The following KRT33A variants were observed in gnomAD, a reference collection of about 807,000 sequenced individuals.
The protein encoded by KRT33A is keratin, type I cuticular Ha3-I.
KRT33A carries 44 observed loss-of-function variants against 41.1 expected under a neutral mutation model. That is an observed-to-expected ratio of 1.07 (90% CI 0.84 to 1.38). KRT33A has a LOEUF of 1.38. Ranked by LOEUF, KRT33A falls within the 40% of genes most tolerant of loss-of-function variation. The pLI is 0.00. For synonymous variants in KRT33A, 229 were observed against 227.8 expected (o/e 1.01, Z -0.05); for missense variants, 536 against 518.5 (o/e 1.03, Z -0.33).
chr17:41,350,176 A>T (rs2017484749), intron 1 of KRT33A, among the ~76,000 whole-genome samples: 1 of 152,180 alleles, frequency 6.6e-6, no homozygotes, highest in South Asian at 2.1e-4. Flanking sequence ...GGAAGCATTC[A>T]GAGGTAGTTT....
Position 41,350,418 on chromosome 17 carries a change from A to G in KRT33A, c.348+2T>C. On this transcript the variant is annotated splice_donor_variant, in intron 1 of 6. Coordinates refer to ENST00000007735, the MANE Select transcript of KRT33A (RefSeq NM_004138.4). LOFTEE classifies it high-confidence loss of function. ...GGAGGCACTGTGTCGCCCACTCCTC[A>G]CCTTCTGCTGGAGCTCCTCAATGGT... 6.2e-7 allele frequency: 1 copy of G among 1,612,468 alleles called. No homozygotes were observed. Among genetic ancestry groups the G allele is most frequent in the South Asian group, 1.1e-5 (1 of 90,994 alleles).
chr17:41,346,319 A>C, intron 6 of KRT33A, 83 bp from the exon 7 acceptor site: 1 of 1,572,936 alleles, frequency 6.4e-7, no homozygotes, highest in Non-Finnish European at 8.7e-7. Context: ...TTGTGTAAGA[A>C]TATTGTTCCT....
At chr17:41,348,882 G>C (rs1423163800) in intron 2 of KRT33A, among the ~76,000 whole-genome samples, 1 of 152,108 alleles carries the variant, frequency 6.6e-6, no homozygotes, top group East Asian at 1.9e-4. Context: ...GGTTGCTTGA[G>C]CCCAGGAGTC....
At position 41,349,371 on chromosome 17, in the gene KRT33A, G is replaced by C. The variant is rs771547958; in HGVS notation, c.406C>G (p.Leu136Val). Residue 136 changes from leucine (L) to valine (V), a missense_variant, in exon 2 of 7, where the codon CTG becomes GTG. Transcript: ENST00000007735. ...TTGGTCCTGAAGTCATCTGAGGCCA[G>C]CTTGGCATTGTCGATCTGCACCACA... Reference protein sequence around the residue: ...RLVVQIDNAKLASDDFRTKYE... With the variant: ...RLVVQIDNAKVASDDFRTKYE... 6 of 1,614,086 alleles carry C rather than the reference G, an allele frequency of 3.7e-6. No individual in the cohort carries two copies. The East Asian group carries it at 1.3e-4, about 36-fold the overall frequency.
At chr17:41,348,134 G>C (rs189545267) in intron 3 of KRT33A, among the ~76,000 whole-genome samples, 96 of 152,262 alleles carry the variant, frequency 6.3e-4, no homozygotes, top group Non-Finnish European at 9.6e-4. Context: ...CTGCCTGATG[G>C]GCCTAGGCCA....
intron 3 of KRT33A, 80 bp downstream of exon 3, chr17:41,348,403 T>TG: frequency 6.8e-7 from 1 of 1,470,332 alleles, no homozygotes; most frequent in Non-Finnish European, 9.4e-7. Flanking sequence ...GAGCCTCTAC[T>TG]GACAGCCTGT....
At position 41,347,108 on chromosome 17, in the gene KRT33A, G is replaced by A; in HGVS notation, c.703C>T (p.Leu235=). 1 of 1,614,162 alleles carries A rather than the reference G, an allele frequency of 6.2e-7. No homozygotes were observed. The highest frequency in any genetic ancestry group is 8.5e-7 in the Non-Finnish European group (1 of 1,180,022). The change falls in exon 4 of 7, where the codon CTG becomes TTG. Residue 235 remains leucine, a synonymous_variant. Transcript: ENST00000007735. The stretch of plus-strand genomic sequence containing the variant: ...ACTTCCCTGCGGTTGGTTTCCACCA[G>A]GGCCTCATACTGACTCCTGGTCTCA... ...LNETRSQYEA[L]VETNRREVEQ... is the part of the protein sequence containing the mutation.
At position 41,350,673 on chromosome 17, in the gene KRT33A, G is replaced by A. The variant is rs1185848708; in HGVS notation, c.95C>T (p.Pro32Leu). Residue 32 changes from proline (P) to leucine (L), a missense_variant, in exon 1 of 7, where the codon CCC becomes CTC. Transcript: ENST00000007735. Reference sequence around the variant, plus strand: ...ATTGGCGGGGATGTTGCAGGCCCCGGGCAGGGTGCAGCCGTGGCAGCTGGG... The same window carrying A: ...ATTGGCGGGGATGTTGCAGGCCCCGAGCAGGGTGCAGCCGTGGCAGCTGGG... ...VPPSCHGCTLPGACNIPANVS... is the reference protein window; with the variant it reads ...VPPSCHGCTLLGACNIPANVS... 1.2e-6 allele frequency: 2 copies of A among 1,612,096 alleles called. No homozygotes were observed. The highest frequency in any genetic ancestry group is 1.7e-6 in the Non-Finnish European group (2 of 1,180,002).
rs747051252 is a variant in KRT33A at position 41,346,640 on chromosome 17, T to C, written c.905A>G (p.Glu302Gly). The C allele has an allele frequency of 6.8e-6, 11 of 1,614,142 alleles. No homozygotes were observed. The highest frequency in any genetic ancestry group is 9.3e-6 in the Non-Finnish European group (11 of 1,180,062). ...CTGGGAGCTGTAGCGGGCCTCGCTC[T>C]CTGTCAGCGTGTTTTCCAGAGAGTC... ...LRDSLENTLTESEARYSSQLS... is the reference protein window; with the variant it reads ...LRDSLENTLTGSEARYSSQLS... Residue 302 changes from glutamate (E) to glycine (G), a missense_variant, in exon 6 of 7, where the codon GAG (glutamate) becomes GGG (glycine). Transcript: ENST00000007735.
chr17:41,346,819 A>C, intron 5 of KRT33A, 25 bp downstream of exon 5: 1 of 1,611,424 alleles, frequency 6.2e-7, no homozygotes, highest in Non-Finnish European at 8.5e-7. Flanking sequence ...CCCATCGCTC[A>C]CCAGCAGGTC....
rs1203804344 is a variant in KRT33A, at chr17:41,346,677, G to A, written c.877-9C>T. 6.2e-7 allele frequency: 1 copy of A among 1,614,118 alleles called. No homozygotes were observed. Among genetic ancestry groups the A allele is most frequent in the South Asian group, 1.1e-5 (1 of 91,082 alleles). On this transcript the variant is annotated splice_polypyrimidine_tract_variant and intron_variant, in intron 5 of 6. Transcript: ENST00000007735. ...TTTTCCAGAGAGTCTCGCTGTGGTG[G>A]GGAAGATTGAGAGTGTCAGAGAGCT...
In KRT33A at chr17:41,350,425, G is replaced by T; in HGVS notation, c.343C>A (p.Gln115Lys). The T allele has an allele frequency of 6.2e-7, 1 of 1,613,244 alleles. No homozygotes were observed. Among genetic ancestry groups the T allele is most frequent in the East Asian group, 2.2e-5 (1 of 44,840 alleles). Reference protein sequence around the residue: ...SYFKTIEELQQKILCSKSENA... With the variant: ...SYFKTIEELQKKILCSKSENA... ...CTGTGTCGCCCACTCCTCACCTTCT[G>T]CTGGAGCTCCTCAATGGTCTTGAAG... Residue 115 changes from glutamine (Q) to lysine (K), a missense_variant, in exon 1 of 7, where the codon CAG becomes AAG. Transcript: ENST00000007735.
chr17:41,349,588 C>G (rs1199002009), intron 1 of KRT33A, among the ~76,000 whole-genome samples, 160 bp from the exon 2 acceptor site: 1 of 151,526 alleles, frequency 6.6e-6, no homozygotes, highest in Non-Finnish European at 1.5e-5. Flanking sequence ...AAATTATATT[C>G]AAAAAAAGAA....
rs2017468843 is a variant in KRT33A at position 41,349,225 on chromosome 17, G to C, written c.431+121C>G. On this transcript the variant is annotated intron_variant, in intron 2 of 6. Transcript: ENST00000007735. Reference sequence around the variant, plus strand: ...GTGTGTGGTGGCTCTGTGAATCTTGGAGAAAGCAGCTAGAACATAGCTCAG... The same window carrying C: ...GTGTGTGGTGGCTCTGTGAATCTTGCAGAAAGCAGCTAGAACATAGCTCAG... 1.2e-5 allele frequency: 11 copies of C among 941,788 alleles called. No individual in the cohort carries two copies. In the East Asian group the frequency reaches 2.9e-4, roughly 24 times the overall value. The allele number at this position is 941,788 out of a possible 1,614,324, so 58.3% of individuals were successfully genotyped here. A position where few individuals can be genotyped will look rare whatever the true frequency, so the allele number is the denominator to read the frequency against.
At chr17:41,347,341 C>T in intron 3 of KRT33A, 119 bp from the exon 4 acceptor site, 1 of 1,209,396 alleles carries the variant, frequency 8.3e-7, no homozygotes, top group Non-Finnish European at 1.1e-6. Flanking sequence ...CCCTCTGATC[C>T]TGTCACTAAC....
In KRT33A at chr17:41,349,429, C is replaced by A; in HGVS notation, c.349-1G>T. On this transcript the variant is annotated splice_acceptor_variant, in intron 1 of 6. Coordinates refer to ENST00000007735, the MANE Select transcript of KRT33A (RefSeq NM_004138.4). LOFTEE classifies it high-confidence loss of function. ...CATTCTCAGACTTGCTGCACAGGAT[C>A]TAGAAGGCCCAAAACATTCAAGAAT... 6.2e-7 allele frequency: 1 copy of A among 1,614,076 alleles called. No individual in the cohort carries two copies. Among genetic ancestry groups the A allele is most frequent in the Non-Finnish European group, 8.5e-7 (1 of 1,180,016 alleles).
rs763450201 is a variant in KRT33A, at chr17:41,346,608, G to C, written c.937C>G (p.Gln313Glu). 1.9e-6 allele frequency: 3 copies of C among 1,614,246 alleles called. No individual in the cohort carries two copies. Among genetic ancestry groups the C allele is most frequent in the South Asian group, 2.2e-5 (2 of 91,086 alleles). ...ACGTTGGTGATCAGTCTCTGCACCT[G>C]GGACAGCTGGGAGCTGTAGCGGGCC... Reference protein sequence around the residue: ...SEARYSSQLSQVQRLITNVES... With the variant: ...SEARYSSQLSEVQRLITNVES... The change falls in exon 6 of 7, where the codon CAG (glutamine) becomes GAG (glutamate). Residue 313 changes from glutamine to glutamate, a missense_variant. Coordinates refer to ENST00000007735, the MANE Select transcript of KRT33A (RefSeq NM_004138.4).
At position 41,350,664 on chromosome 17, in the gene KRT33A, C is replaced by T. The variant is rs1016418827; in HGVS notation, c.104G>A (p.Cys35Tyr). 3.7e-6 allele frequency: 6 copies of T among 1,612,150 alleles called. No homozygotes were observed. In the Admixed American group the frequency reaches 5.0e-5, roughly 13 times the overall value. ...GTTGCTCACATTGGCGGGGATGTTG[C>T]AGGCCCCGGGCAGGGTGCAGCCGTG... ...SCHGCTLPGA[C>Y]NIPANVSNCN... The change falls in exon 1 of 7, where the codon TGC becomes TAC. Residue 35 changes from cysteine (C) to tyrosine (Y), a missense_variant. Physicochemically the swap from Cys to Tyr is radical, Grantham distance 194. Transcript: ENST00000007735.
chr17:41,349,564 A>G (rs1378793245), intron 1 of KRT33A, 136 bp from the exon 2 acceptor site: 4 of 756,086 alleles, frequency 5.3e-6, no homozygotes, highest in Middle Eastern at 2.6e-4. Context: ...GCAGGTACTC[A>G]ATGAATATTT....
Sources: allele counts gnomAD v4.1 joint callset (sites outside exome capture counted in the v4.1 genomes callset), GRCh38; gene constraint gnomAD v4.1.1; transcripts MANE v1.5; gene names NCBI Gene and HGNC (gene_info 2026-07-23, HGNC 2026-07-21).